Variants in TRHDE observed in about 807,000 individuals in gnomAD.
TRHDE encodes thyrotropin-releasing hormone-degrading ectoenzyme.
Under a neutral mutation model 125.7 loss-of-function variants are expected in TRHDE, and 72 were observed. That is an observed-to-expected ratio of 0.57 (90% CI 0.47 to 0.70). The LOEUF (loss-of-function observed/expected upper bound fraction) is 0.70. Among genes scored for constraint, TRHDE ranks in the 30% least tolerant of loss-of-function variants. The pLI is 0.00. For synonymous variants in TRHDE, 509 were observed against 509.1 expected, an observed-to-expected ratio of 1.00 and a Z score of 0.00; for missense variants, 1,110 against 1,327.1, an observed-to-expected ratio of 0.84 and a Z score of 2.54.
chr12:72,219,372 A>G (rs1877958686), intron 2 of TRHDE, among the ~76,000 whole-genome samples: 1 of 152,156 alleles, frequency 6.6e-6, no homozygotes, highest in Admixed American at 6.6e-5. Flanking sequence ...AATAAATAAG[A>G]CTAAGAATGT....
intron 2 of TRHDE, among the ~76,000 whole-genome samples, chr12:72,178,481 T>C (rs1429001554): frequency 1.8e-4 from 28 of 152,060 alleles, no homozygotes; most frequent in Admixed American, 1.8e-3. Context: ...AAACTAATAA[T>C]ATAAAGGAGC....
At chr12:72,508,134 T>C (rs1257333044) in intron 6 of TRHDE, among the ~76,000 whole-genome samples, 1 of 152,068 alleles carries the variant, frequency 6.6e-6, no homozygotes, top group Non-Finnish European at 1.5e-5. Flanking sequence ...TCATAGAGAA[T>C]CTCTACTAGG....
chr12:72,533,723 G>GTTTTTTTTTTTTTTTTTTTTTTTTGT, intron 6 of TRHDE, among the ~76,000 whole-genome samples: 1 of 97,898 alleles, frequency 1.0e-5, no homozygotes, highest in Non-Finnish European at 2.3e-5. Flanking sequence ...TTTTCTATTT[G>GTTTTTTTTTTTTTTTTTTTTTTTTGT]TTTTTTTTTT....
At chr12:72,296,836 G>A (rs1880318997) in intron 2 of TRHDE, among the ~76,000 whole-genome samples, 1 of 152,204 alleles carries the variant, frequency 6.6e-6, no homozygotes, top group Non-Finnish European at 1.5e-5. Context: ...CAGAGTGAGT[G>A]TAGAATGAAG....
chr12:72,427,765 C>G (rs1371581747), intron 3 of TRHDE, among the ~76,000 whole-genome samples: 1 of 152,092 alleles, frequency 6.6e-6, no homozygotes, highest in African/African-American at 2.4e-5. Flanking sequence ...ATTGAGAGAG[C>G]CCTTTCTCTT....
intron 6 of TRHDE, among the ~76,000 whole-genome samples, chr12:72,518,769 T>C (rs567117331): frequency 2.6e-4 from 40 of 152,244 alleles, no homozygotes; most frequent in Non-Finnish European, 4.7e-4. Flanking sequence ...GGCATGATTT[T>C]GCAGCGGCTG....
chr12:72,542,371 T>C lies in TRHDE; in HGVS notation c.1788+15T>C. ...GGGGTTTGCAAGTAAGTAAAATGCT[T>C]TTTATTTTCTTTTACATTTTTCCTT... On this transcript the variant is annotated intron_variant, in intron 7 of 18. Coordinates refer to ENST00000261180, the MANE Select transcript of TRHDE (RefSeq NM_013381.3). The C allele has an allele frequency of 1.3e-6, 2 of 1,588,190 alleles. No homozygotes were observed. The highest frequency in any genetic ancestry group is 1.7e-6 in the Non-Finnish European group (2 of 1,163,198).
At chr12:72,594,751 A>C (rs1303592177) in intron 12 of TRHDE, among the ~76,000 whole-genome samples, 3 of 152,054 alleles carry the variant, frequency 2.0e-5, no homozygotes, top group South Asian at 2.1e-4. Flanking sequence ...TGACCCAGCC[A>C]TCCCATTACT....
At chr12:72,581,162 A>T (rs1375312062) in intron 12 of TRHDE, among the ~76,000 whole-genome samples, 2 of 152,240 alleles carry the variant, frequency 1.3e-5, no homozygotes, top group Non-Finnish European at 2.9e-5. Flanking sequence ...TCTGGAGTGG[A>T]ATTGGCAGCC....
chr12:72,424,515 A>T (rs1027469761), intron 3 of TRHDE, among the ~76,000 whole-genome samples: 3 of 152,116 alleles, frequency 2.0e-5, no homozygotes, highest in Non-Finnish European at 4.4e-5. Context: ...TGGACTTATA[A>T]TCTCCAGAAT....
At position 72,398,438 on chromosome 12, in the gene TRHDE, G is replaced by A. The variant is rs181766764; in HGVS notation, c.1315+20317G>A. Among the ~76,000 whole-genome samples the A allele has an allele frequency of 8.9e-4, 136 of 152,196 alleles. 1 individual carries two copies. The highest frequency in any genetic ancestry group is 6.8e-3 in the Middle Eastern group (2 of 292). On this transcript the variant is annotated intron_variant, in intron 3 of 18. Transcript: ENST00000261180. ...TGTCATTTTTTATAGCATTTATTAC[G>A]TTCCATTGTATTATGTACTTTGCCA... is the stretch of plus-strand genomic sequence containing the variant.
chr12:72,511,715 C>T (rs932288542), intron 6 of TRHDE, among the ~76,000 whole-genome samples: 3 of 152,034 alleles, frequency 2.0e-5, no homozygotes, highest in African/African-American at 7.2e-5. Context: ...CATATTTCAC[C>T]GATTCATCAT....
chr12:72,623,233 G>A (rs1873124009), intron 15 of TRHDE, among the ~76,000 whole-genome samples: 1 of 151,906 alleles, frequency 6.6e-6, no homozygotes, highest in African/African-American at 2.4e-5. Context: ...AGAAAGTATA[G>A]TGTCTTCTCT....
chr12:72,261,720 T>C (rs1878955010), intron 2 of TRHDE, among the ~76,000 whole-genome samples: 1 of 152,154 alleles, frequency 6.6e-6, no homozygotes, highest in Non-Finnish European at 1.5e-5. Flanking sequence ...CCTTGGCAAA[T>C]AATTCTTTGG....
chr12:72,488,227 G>A (rs903712958), intron 5 of TRHDE, among the ~76,000 whole-genome samples: 3 of 152,032 alleles, frequency 2.0e-5, no homozygotes, highest in Non-Finnish European at 4.4e-5. Context: ...GTGGCTGAGT[G>A]TATAAGAAGA....
At chr12:72,449,441 T>C (rs1326095374) in intron 3 of TRHDE, among the ~76,000 whole-genome samples, 1 of 152,028 alleles carries the variant, frequency 6.6e-6, no homozygotes, top group Non-Finnish European at 1.5e-5. Flanking sequence ...AATTTTTTTT[T>C]CTGGCATTGT....
chr12:72,219,774 T>G (rs1410347129), intron 2 of TRHDE, among the ~76,000 whole-genome samples: 1 of 152,180 alleles, frequency 6.6e-6, no homozygotes, highest in Non-Finnish European at 1.5e-5. Context: ...ATGTGTGTGT[T>G]CACTGGAGGT....
intron 2 of TRHDE, among the ~76,000 whole-genome samples, chr12:72,146,177 G>T (rs552618932): frequency 1.3e-5 from 2 of 152,158 alleles, no homozygotes; most frequent in Non-Finnish European, 2.9e-5. Flanking sequence ...TTTATTAGTT[G>T]TAAGTGGCTA....
intron 1 of TRHDE, among the ~76,000 whole-genome samples, chr12:72,095,044 G>C (rs964731812): frequency 3.9e-5 from 6 of 152,192 alleles, no homozygotes; most frequent in African/African-American, 1.4e-4. Flanking sequence ...TTTCTCAGCA[G>C]AAATTTCTCA....
Sources: allele counts gnomAD v4.1 joint callset (sites outside exome capture counted in the v4.1 genomes callset), GRCh38; gene constraint gnomAD v4.1.1; transcripts MANE v1.5; gene names NCBI Gene and HGNC (gene_info 2026-07-23, HGNC 2026-07-21).